CACNB4: variants seen among roughly 807,000 people sequenced by gnomAD.
CACNB4 encodes calcium voltage-gated channel auxiliary subunit beta 4, also known as voltage-dependent L-type calcium channel subunit beta-4.
Under a neutral mutation model 71.2 loss-of-function variants are expected in CACNB4, and 32 were observed. That is an observed-to-expected ratio of 0.45 (90% CI 0.34 to 0.60). The LOEUF is 0.60. CACNB4 is among the 20% of genes least tolerant of loss of function. The probability of loss-of-function intolerance (pLI) is 0.01; values close to 1 mark genes in which losing one functional copy is unlikely to be tolerated. For missense variants in CACNB4, 464 were observed against 647.9 expected (o/e 0.72, Z 3.08); for synonymous variants, 231 against 236.9 (o/e 0.97, Z 0.23).
chr2:151,855,544 G>A (rs1280198643), intron 10 of CACNB4, among the ~76,000 whole-genome samples, 169 bp from the exon 11 acceptor site: 1 of 152,168 alleles, frequency 6.6e-6, no homozygotes, highest in East Asian at 1.9e-4. Flanking sequence ...GACAGAGATG[G>A]GTTGAGTTTT....
chr2:151,955,063 G>A (rs1456135450), intron 2 of CACNB4, among the ~76,000 whole-genome samples: 6 of 152,010 alleles, frequency 3.9e-5, no homozygotes, highest in African/African-American at 1.4e-4. Flanking sequence ...CACTGTGTTA[G>A]CCAGGATGGT....
At chr2:152,070,747 T>C (rs1686639018) in intron 2 of CACNB4, among the ~76,000 whole-genome samples, 1 of 152,234 alleles carries the variant, frequency 6.6e-6, no homozygotes, top group South Asian at 2.1e-4. Context: ...CTAATCTGCA[T>C]GAATATTAAA....
At chr2:151,901,624 T>C (rs776954490) in intron 2 of CACNB4, among the ~76,000 whole-genome samples, 7 of 152,092 alleles carry the variant, frequency 4.6e-5, no homozygotes, top group Non-Finnish European at 1.0e-4. Context: ...ACGAAGGAGT[T>C]TTTAAAAATG....
chr2:152,035,651 C>CTCTCTCTCTATATATATA (rs796161186), intron 2 of CACNB4, among the ~76,000 whole-genome samples: 17 of 118,070 alleles, frequency 1.4e-4, no homozygotes, highest in African/African-American at 5.4e-4. Flanking sequence ...CTCTCTCTCT[C>CTCTCTCTCTATATATATA]TATATATATA....
At chr2:151,996,787 C>G (rs1336898094) in intron 2 of CACNB4, among the ~76,000 whole-genome samples, 1 of 152,124 alleles carries the variant, frequency 6.6e-6, no homozygotes, top group Non-Finnish European at 1.5e-5. Flanking sequence ...ATACCAGTTT[C>G]TAAAATCCTA....
intron 2 of CACNB4, among the ~76,000 whole-genome samples, chr2:152,006,988 T>C (rs1399089369): frequency 6.6e-6 from 1 of 152,198 alleles, no homozygotes; most frequent in African/African-American, 2.4e-5. Flanking sequence ...TTGTGTCATC[T>C]ATAAAGCAGG....
At chr2:152,078,837 G>A (rs974877782) in intron 2 of CACNB4, among the ~76,000 whole-genome samples, 1 of 152,186 alleles carries the variant, frequency 6.6e-6, no homozygotes, top group Non-Finnish European at 1.5e-5. Flanking sequence ...CCTTCTTGTA[G>A]ACTGTTAAGT....
chr2:151,897,687 G>A (rs2099852426), intron 2 of CACNB4, among the ~76,000 whole-genome samples: 1 of 152,210 alleles, frequency 6.6e-6, no homozygotes, highest in African/African-American at 2.4e-5. Context: ...TTTGAGTGGT[G>A]CCATGAAGCT....
Position 151,849,140 on chromosome 2 carries a change from T to G in CACNB4, c.1116+4308A>C, listed in dbSNP as rs183304817. On this transcript the variant is annotated intron_variant, in intron 12 of 13. Transcript: ENST00000539935. ...CCTCTTCCAAAGTAGAACTATCCAGTAGCCCATTTTCCCCACTCATCTTAC... is the reference window on the plus strand; with the variant it reads ...CCTCTTCCAAAGTAGAACTATCCAGGAGCCCATTTTCCCCACTCATCTTAC... 1.3e-4 allele frequency among the ~76,000 whole-genome samples: 20 copies of G among 152,306 alleles called. 1 individual carries two copies. In the East Asian group the frequency reaches 3.3e-3, roughly 25 times the overall value.
intron 2 of CACNB4, among the ~76,000 whole-genome samples, chr2:151,903,449 G>A (rs1422143205): frequency 2.0e-5 from 3 of 152,144 alleles, no homozygotes; most frequent in Non-Finnish European, 4.4e-5. Flanking sequence ...AACCCAAGAG[G>A]TGGAGGCTGC....
At chr2:151,937,398 T>C (rs2099863179) in intron 2 of CACNB4, among the ~76,000 whole-genome samples, 2 of 152,214 alleles carry the variant, frequency 1.3e-5, no homozygotes, top group African/African-American at 4.8e-5. Flanking sequence ...AAGCTTTTTT[T>C]CAGCTATTAA....
intron 2 of CACNB4, among the ~76,000 whole-genome samples, chr2:151,931,906 A>G (rs991009630): frequency 3.9e-5 from 6 of 152,226 alleles, no homozygotes; most frequent in Admixed American, 3.3e-4. Flanking sequence ...TTAAAGAGAG[A>G]TAACTCTCCC....
Position 152,098,564 on chromosome 2 carries a change from G to GCCC in CACNB4, c.64-154_64-152dup. On this transcript the variant is annotated intron_variant, in intron 1 of 13. Coordinates refer to ENST00000539935, the MANE Select transcript of CACNB4 (RefSeq NM_000726.5). The surrounding 1 kb of genome is among the most constrained non-coding windows in gnomAD (Gnocchi z 5.3). ...GTCTCCTCCGCGACTCCCAAATACAGCCCCCACCCCCACCCACCCACTGCA... is the reference window on the plus strand; with the variant it reads ...GTCTCCTCCGCGACTCCCAAATACAGCCCCCCCCACCCCCACCCACCCACTGCA... 3.8e-5 allele frequency: 35 copies of GCCC among 931,250 alleles called. No homozygotes were observed. The highest frequency in any genetic ancestry group is 5.0e-5 in the Non-Finnish European group (29 of 583,184). 57.7% of individuals were successfully genotyped at this position (931,250 alleles called of 1,614,324 possible).
chr2:151,962,567 C>A (rs1233129461), intron 2 of CACNB4, among the ~76,000 whole-genome samples: 2 of 152,180 alleles, frequency 1.3e-5, no homozygotes, highest in Non-Finnish European at 2.9e-5. Context: ...AAATGAAATT[C>A]GGATGCTCAT....
intron 3 of CACNB4, 132 bp downstream of exon 3, chr2:151,883,119 A>G (rs1329454890): frequency 4.6e-6 from 4 of 878,260 alleles, no homozygotes; most frequent in Non-Finnish European, 7.2e-6. Flanking sequence ...AGGATCAGAG[A>G]GCTTCCCAAT....
intron 2 of CACNB4, among the ~76,000 whole-genome samples, chr2:151,903,791 A>T (rs139666065): frequency 1.8e-3 from 268 of 152,300 alleles, no homozygotes; most frequent in African/African-American, 6.2e-3. Flanking sequence ...ACTCTTATTT[A>T]AAAAGCCCCT....
chr2:152,066,407 T>C (rs926166901), intron 2 of CACNB4, among the ~76,000 whole-genome samples: 5 of 152,178 alleles, frequency 3.3e-5, no homozygotes, highest in Non-Finnish European at 7.3e-5. Context: ...TCACTATCAC[T>C]GGCCATCAGA....
intron 5 of CACNB4, 134 bp from the exon 6 acceptor site, chr2:151,872,627 C>G (rs747728356): frequency 1.1e-5 from 6 of 559,464 alleles, no homozygotes; most frequent in Non-Finnish European, 1.9e-5. Context: ...TAAAGAATTT[C>G]AAGAATCTAT....
At chr2:152,089,839 G>A (rs1687871684) in intron 2 of CACNB4, among the ~76,000 whole-genome samples, 1 of 152,170 alleles carries the variant, frequency 6.6e-6, no homozygotes, top group Non-Finnish European at 1.5e-5. Context: ...CTACTTGTAG[G>A]CTGAGGTGGG....
Sources: allele counts gnomAD v4.1 joint callset (sites outside exome capture counted in the v4.1 genomes callset), GRCh38; gene constraint gnomAD v4.1.1; non-coding constraint Gnocchi (gnomAD v3.1); transcripts MANE v1.5; gene names NCBI Gene and HGNC (gene_info 2026-07-23, HGNC 2026-07-21).